The following SLC39A6 variants were observed in gnomAD, a reference collection of about 807,000 sequenced individuals.
The protein encoded by SLC39A6 is solute carrier family 39 member 6.
In SLC39A6, 51 loss-of-function variants were observed where a neutral mutation model predicts 63.5. The observed-to-expected ratio is 0.80, with a 90% confidence interval of 0.64 to 1.01. The LOEUF (loss-of-function observed/expected upper bound fraction) is 1.01. Ranked by LOEUF, SLC39A6 falls within the 50% of genes least tolerant of loss-of-function variation. SLC39A6 has a pLI of 0.00. For missense variants in SLC39A6, 805 were observed against 927.8 expected (o/e 0.87, Z 1.72); for synonymous variants, 318 against 324.7 (o/e 0.98, Z 0.22).
At position 36,114,145 on chromosome 18, in the gene SLC39A6, C is replaced by T. The variant is rs1658997126; in HGVS notation, c.1795G>A (p.Val599Met). Residue 599 changes from valine to methionine, a missense_variant, in exon 7 of 10, where the codon GTG (valine) becomes ATG (methionine). Physicochemically the swap from Val to Met is conservative, Grantham distance 21. Around this residue, in one of 4 missense-constraint regions of SLC39A6, gnomAD observed 145 missense variants for 227.2 expected, o/e 0.64. Coordinates refer to ENST00000269187, the MANE Select transcript of SLC39A6 (RefSeq NM_012319.4). The part of the protein sequence containing the change: ...DAGVATLAWM[V>M]IMGDGLHNFS... ...TTGTGCAGGCCATCACCCATTATCA[C>T]CATCCAGGCCAGAGTGGCGACGCCG... 1.2e-6 allele frequency: 2 copies of T among 1,613,688 alleles called. No individual in the cohort carries two copies. Among genetic ancestry groups the T allele is most frequent in the Non-Finnish European group, 1.7e-6 (2 of 1,179,754 alleles).
At chr18:36,121,082 T>G (rs1451884017) in intron 5 of SLC39A6, among the ~76,000 whole-genome samples, 1 of 151,624 alleles carries the variant, frequency 6.6e-6, no homozygotes, top group Non-Finnish European at 1.5e-5. Context: ...CAATATCAAG[T>G]GACCAGAATA....
chr18:36,117,278 G>C (rs17739652), intron 5 of SLC39A6, among the ~76,000 whole-genome samples: 24,060 of 152,078 alleles, frequency 0.16, 2,569 homozygotes, highest in East Asian at 0.39. Context: ...TTTCCTTCAG[G>C]CATCTAGTGA....
In SLC39A6 at chr18:36,114,189, CGA is replaced by C; in HGVS notation, c.1749_1750del (p.Arg584GlyfsTer19). ...GACGCCGGCATCTTTCAGCTCCTCC[CGA>C]GAGTAGCGCTGGCTGTGACTGTGAG... On this transcript the variant is annotated frameshift_variant, in exon 7 of 10. Coordinates refer to ENST00000269187, the MANE Select transcript of SLC39A6 (RefSeq NM_012319.4). LOFTEE classifies it high-confidence loss of function. The C allele has an allele frequency of 6.2e-7, 1 of 1,614,116 alleles. No homozygotes were observed. The highest frequency in any genetic ancestry group is 8.5e-7 in the Non-Finnish European group (1 of 1,180,022).
intron 2 of SLC39A6, among the ~76,000 whole-genome samples, chr18:36,125,083 C>T (rs2089425275): frequency 1.3e-5 from 2 of 152,110 alleles, no homozygotes; most frequent in Admixed American, 6.5e-5. Flanking sequence ...TCAGTACTAA[C>T]GCTATCCTAC....
In SLC39A6 at chr18:36,120,854, T is replaced by TA. The variant is rs2089387872; in HGVS notation, c.1359+1197dup. Among the ~76,000 whole-genome samples, 7 of 152,278 alleles carry TA rather than the reference T, an allele frequency of 4.6e-5. No homozygotes were observed. In the South Asian group the frequency reaches 1.5e-3, roughly 32 times the overall value. On this transcript the variant is annotated intron_variant, in intron 5 of 9. Transcript: ENST00000269187. ...CTTGGAAGATTCAAAGGCAAGGTGC[T>TA]AAAAAAAGATATCAAATTACGTAAG...
In SLC39A6 at chr18:36,122,091, G is replaced by C. The variant is rs1454902225; in HGVS notation, c.1320C>G (p.Val440=). ...GLYFMFLVEH[V]LTLIKQFKDK... ...CTTTAAATTGTTTGATCAATGTGAG[G>C]ACATGTTCAACAAGAAACATGAAAT... is the stretch of plus-strand genomic sequence containing the variant. Residue 440 remains valine, a synonymous_variant, in exon 5 of 10, where the codon GTC becomes GTG. Transcript: ENST00000269187. The C allele has an allele frequency of 1.9e-6, 3 of 1,613,430 alleles. No homozygotes were observed. In the African/African-American group the frequency reaches 4.0e-5, roughly 22 times the overall value.
chr18:36,113,099 A>ATT (rs200158363), intron 7 of SLC39A6, among the ~76,000 whole-genome samples: 15 of 126,746 alleles, frequency 1.2e-4, no homozygotes, highest in African/African-American at 4.1e-4. Context: ...GTGCATATAT[A>ATT]TTTTTTTTTT....
intron 6 of SLC39A6, 37 bp downstream of exon 6, chr18:36,116,637 C>T: frequency 7.3e-7 from 1 of 1,363,722 alleles, no homozygotes; most frequent in Non-Finnish European, 1.0e-6. Flanking sequence ...CAGCAATGAA[C>T]TCCCTCCAGC....
rs990088200 is a variant in SLC39A6 at position 36,108,572 on chromosome 18, C to G, written c.*1021G>C. 1.3e-5 allele frequency: 2 copies of G among 152,066 alleles called. No individual in the cohort carries two copies. The highest frequency in any genetic ancestry group is 4.8e-5 in the African/African-American group (2 of 41,410). The allele number at this position is 152,066 out of a possible 1,614,324, so 9.4% of individuals were successfully genotyped here. On this transcript the variant is annotated 3_prime_UTR_variant, in exon 10 of 10. Transcript: ENST00000269187. ...AATTTATTGTGTAAAAAAGAAACAT[C>G]TAGAGAATGCCACAGACAGGCCTAG...
At chr18:36,117,899 C>T (rs1444676453) in intron 5 of SLC39A6, among the ~76,000 whole-genome samples, 3 of 151,896 alleles carry the variant, frequency 2.0e-5, no homozygotes, top group African/African-American at 7.3e-5. Flanking sequence ...GGCGTGTTGG[C>T]GGGTGCCTGT....
chr18:36,126,673 G>C lies in SLC39A6; in HGVS notation c.335C>G (p.Ser112Ter), dbSNP rs1201669031. 3 of 1,602,626 alleles carry C rather than the reference G, an allele frequency of 1.9e-6. No individual in the cohort carries two copies. Among genetic ancestry groups the C allele is most frequent in the Admixed American group, 1.7e-5 (1 of 59,154 alleles). The change falls in exon 2 of 10, where the codon TCA becomes TGA. Residue 112 changes from serine (S) to a stop codon, truncating the protein, a stop_gained. Coordinates refer to ENST00000269187, the MANE Select transcript of SLC39A6 (RefSeq NM_012319.4). LOFTEE classifies it high-confidence loss of function. The stretch of plus-strand genomic sequence containing the variant: ...GTGCTCTGAGTGATGCTCATGGTCT[G>C]AGTGACGCTCATGGTCTGAGTGATG... ...HEHHSDHERH[S>*]DHEHHSEHEH...
intron 8 of SLC39A6, 121 bp from the exon 9 acceptor site, chr18:36,111,370 C>G (rs907986688): frequency 1.4e-5 from 12 of 866,672 alleles, no homozygotes; most frequent in African/African-American, 1.7e-5. Flanking sequence ...GAAAAGAAAA[C>G]AAAATTAAGA....
rs2089327779 is a variant in SLC39A6, at chr18:36,114,465, C to G, written c.1475G>C (p.Gly492Ala). 3 of 1,609,198 alleles carry G rather than the reference C, an allele frequency of 1.9e-6. No individual in the cohort carries two copies. The highest frequency in any genetic ancestry group is 2.5e-6 in the Non-Finnish European group (3 of 1,178,548). The change falls in exon 7 of 10, where the codon GGC (glycine) becomes GCC (alanine). Residue 492 changes from glycine to alanine, a missense_variant. Around this residue, in one of 4 missense-constraint regions of SLC39A6, gnomAD observed 639 missense variants for 644.0 expected, o/e 0.99. Coordinates refer to ENST00000269187, the MANE Select transcript of SLC39A6 (RefSeq NM_012319.4). Reference protein sequence around the residue: ...EKVDTDDRTEGYLRADSQEPS... With the variant: ...EKVDTDDRTEAYLRADSQEPS... ...CTCTTGTGAGTCTGCTCGTAAATAG[C>G]CTTCAGTTCCTAGGAATAAACATAA... is the stretch of plus-strand genomic sequence containing the variant.
intron 5 of SLC39A6, among the ~76,000 whole-genome samples, chr18:36,121,156 C>T (rs80068986): frequency 6.9e-6 from 1 of 145,250 alleles, no homozygotes; most frequent in Non-Finnish European, 1.5e-5. Context: ...CTTTTCTTTT[C>T]TTTTTTTTTT....
intron 5 of SLC39A6, among the ~76,000 whole-genome samples, chr18:36,120,164 A>AG (rs2089380319): frequency 6.6e-6 from 1 of 152,188 alleles, no homozygotes; most frequent in Non-Finnish European, 1.5e-5. Context: ...GATCTCCCAG[A>AG]GGTGCAAGAT....
intron 1 of SLC39A6, among the ~76,000 whole-genome samples, chr18:36,128,525 A>G (rs2089471423): frequency 6.6e-6 from 1 of 152,236 alleles, no homozygotes; most frequent in Non-Finnish European, 1.5e-5. Flanking sequence ...GGCTCCTGAA[A>G]GAGGAATCTT....
At chr18:36,120,974 G>T (rs945481750) in intron 5 of SLC39A6, among the ~76,000 whole-genome samples, 2 of 151,880 alleles carry the variant, frequency 1.3e-5, no homozygotes, top group African/African-American at 2.4e-5. Flanking sequence ...CAATTTTAGA[G>T]AAACCAAAAT....
chr18:36,124,768 C>A, intron 2 of SLC39A6, 68 bp from the exon 3 acceptor site: 1 of 1,166,084 alleles, frequency 8.6e-7, no homozygotes, highest in Non-Finnish European at 1.2e-6. Context: ...TGACACAATA[C>A]CCTTTTTTAC....
intron 5 of SLC39A6, among the ~76,000 whole-genome samples, chr18:36,117,622 A>G (rs558841773): frequency 2.6e-5 from 4 of 152,200 alleles, no homozygotes; most frequent in African/African-American, 7.2e-5. Flanking sequence ...CACATAAATA[A>G]CAGATTTCTT....
Sources: allele counts gnomAD v4.1 joint callset (sites outside exome capture counted in the v4.1 genomes callset), GRCh38; gene constraint gnomAD v4.1.1; regional missense constraint gnomAD v4.1.1; transcripts MANE v1.5; gene names NCBI Gene and HGNC (gene_info 2026-07-23, HGNC 2026-07-21).